The following YBEY variants were observed in gnomAD, a reference collection of about 807,000 sequenced individuals.
YBEY encodes the protein endoribonuclease YbeY.
Under a neutral mutation model 13.5 loss-of-function variants are expected in YBEY, and 15 were observed. The observed-to-expected ratio is 1.11, with a 90% CI of 0.75 to 1.72. YBEY has a LOEUF of 1.72. YBEY is among the 40% of genes most tolerant of loss of function. The pLI, the probability that YBEY is intolerant of heterozygous loss-of-function variation, is 0.00. For synonymous variants in YBEY, 101 were observed against 83.1 expected, an observed-to-expected ratio of 1.21 and a Z score of -1.17; for missense variants, 244 against 208.4, an observed-to-expected ratio of 1.17 and a Z score of -1.05.
Position 46,296,092 on chromosome 21 carries a change from C to T in YBEY, c.340-70C>T, listed in dbSNP as rs2145836462. The T allele has an allele frequency of 2.5e-6, 4 of 1,574,670 alleles. No individual in the cohort carries two copies. In the East Asian group the frequency reaches 9.0e-5, roughly 35 times the overall value. Reference sequence around the variant, plus strand: ...CACATACCAAGAGCAGCCTGTGGCCCTGGGGTGGCCCTGAAGGGGCAGGTT... The same window carrying T: ...CACATACCAAGAGCAGCCTGTGGCCTTGGGGTGGCCCTGAAGGGGCAGGTT... On this transcript the variant is annotated intron_variant, in intron 3 of 4. Transcript: ENST00000397701.
At chr21:46,304,199 T>A in the YBEY span, among the ~76,000 whole-genome samples, 2 of 150,498 alleles carry the variant, frequency 1.3e-5, no homozygotes, top group South Asian at 4.2e-4. Flanking sequence ...GCTAATTTTG[T>A]TTTTGTATTT....
downstream of YBEY, chr21:46,300,622 T>C: frequency 8.3e-7 from 1 of 1,207,980 alleles, no homozygotes; most frequent in Non-Finnish European, 1.1e-6. Flanking sequence ...GCTGGGCCCT[T>C]CGGTGTTCAC....
intron 2 of YBEY, among the ~76,000 whole-genome samples, chr21:46,288,525 A>G (rs1348087569): frequency 6.6e-6 from 1 of 152,084 alleles, no homozygotes; most frequent in Non-Finnish European, 1.5e-5. Flanking sequence ...AAAATACAAA[A>G]AAAGTTAGCT....
chr21:46,310,053 C>T, the YBEY span, among the ~76,000 whole-genome samples: 2 of 152,058 alleles, frequency 1.3e-5, no homozygotes, highest in East Asian at 1.9e-4. Context: ...TACATAGTGA[C>T]GGAAAGCTGC....
intron 4 of YBEY, among the ~76,000 whole-genome samples, chr21:46,296,589 C>CCGCCTA (rs1454209345): frequency 2.0e-5 from 3 of 152,194 alleles, no homozygotes; most frequent in Non-Finnish European, 2.9e-5. Flanking sequence ...CCCATGCGCT[C>CCGCCTA]CGCCTACGGA....
downstream of YBEY, among the ~76,000 whole-genome samples, chr21:46,297,961 G>A (rs533488783): frequency 4.8e-4 from 72 of 150,070 alleles, no homozygotes; most frequent in African/African-American, 1.5e-3. Flanking sequence ...GCGTCCTTCC[G>A]TAGAAAAGGC....
At chr21:46,302,975 C>A in the YBEY span, among the ~76,000 whole-genome samples, 2 of 151,250 alleles carry the variant, frequency 1.3e-5, no homozygotes, top group Non-Finnish European at 3.0e-5. Flanking sequence ...CGGTGCGGGT[C>A]CCCGGGGCGC....
Position 46,296,173 on chromosome 21 carries a change from C to T in YBEY, c.351C>T (p.Thr117=), listed in dbSNP as rs1384783557. Residue 117 remains threonine (T), a synonymous_variant, in exon 4 of 5, where the codon ACC becomes ACT. Transcript: ENST00000397701. ...AATTATTCTGACAGGTGACGGCCAC[C>T]CACGGACTCTGTCACTTGCTGGGAT... is the stretch of plus-strand genomic sequence containing the variant. ...DYNDVLTVTA[T]HGLCHLLGFT... is the part of the protein sequence containing the mutation. The T allele has an allele frequency of 1.9e-6, 3 of 1,613,784 alleles. No homozygotes were observed. The highest frequency in any genetic ancestry group is 3.3e-5 in the Admixed American group (2 of 60,020).
At chr21:46,295,361 C>T (rs566732955) in intron 3 of YBEY, among the ~76,000 whole-genome samples, 61 of 149,742 alleles carry the variant, frequency 4.1e-4, no homozygotes, top group Admixed American at 1.6e-3. Flanking sequence ...CCCAAGGATA[C>T]CCACCTCCCA....
At chr21:46,302,106 G>A (rs1420967692), downstream of YBEY, 1 of 1,528,836 alleles carries the variant, frequency 6.5e-7, no homozygotes, top group Admixed American at 2.0e-5. Context: ...ACGGCAGGCA[G>A]CCTTGGCCTG....
At chr21:46,291,579 G>A (rs1367464733) in intron 3 of YBEY, 117 bp downstream of exon 3, 2 of 1,515,710 alleles carry the variant, frequency 1.3e-6, no homozygotes, top group African/African-American at 2.8e-5. Flanking sequence ...GGCTACTGGG[G>A]GAAGAACCTG....
the YBEY span, among the ~76,000 whole-genome samples, chr21:46,303,953 G>A: frequency 2.8e-5 from 4 of 143,138 alleles, no homozygotes; most frequent in Admixed American, 7.2e-5. Flanking sequence ...GGGTTTCACC[G>A]TGTTAGCCAG....
chr21:46,297,486 G>A, intron 4 of YBEY, 53 bp from the exon 5 acceptor site: 1 of 1,328,140 alleles, frequency 7.5e-7, no homozygotes, highest in Non-Finnish European at 9.7e-7. Context: ...ACCCCAGAGA[G>A]TGGGGCGCGG....
chr21:46,298,196 T>C (rs900961198), downstream of YBEY, among the ~76,000 whole-genome samples: 1 of 152,142 alleles, frequency 6.6e-6, no homozygotes, highest in Admixed American at 6.5e-5. Flanking sequence ...GCTACTACAA[T>C]TCTGCTCATC....
At position 46,297,387 on chromosome 21, in the gene YBEY, G is replaced by A. The variant is rs891909850; in HGVS notation, c.409-152G>A. On this transcript the variant is annotated intron_variant, in intron 4 of 4. Transcript: ENST00000397701. Reference sequence around the variant, plus strand: ...AGCTCAGGTTCTGGTGAAGGTGCCCGGAGCCGGGTCCCGCCTTCGGCCTGA... The same window carrying A: ...AGCTCAGGTTCTGGTGAAGGTGCCCAGAGCCGGGTCCCGCCTTCGGCCTGA... The A allele has an allele frequency of 1.7e-5, 8 of 473,250 alleles. No individual in the cohort carries two copies. In the African/African-American group the frequency reaches 4.9e-4, roughly 29 times the overall value. The allele number at this position is 473,250 out of a possible 1,614,324, so 29.3% of individuals were successfully genotyped here. A position where few individuals can be genotyped will look rare whatever the true frequency, so the allele number is the denominator to read the frequency against.
At chr21:46,298,330 ACCACCGCGCCCTTC>A (rs1338670242), downstream of YBEY, among the ~76,000 whole-genome samples, 1 of 151,976 alleles carries the variant, frequency 6.6e-6, no homozygotes, top group Non-Finnish European at 1.5e-5. Context: ...AAGTCGCTGC[ACCACCGCGCCCTTC>A]GGTGAAGAGC....
chr21:46,288,521 C>T (rs2081559632), intron 2 of YBEY, among the ~76,000 whole-genome samples: 1 of 151,618 alleles, frequency 6.6e-6, no homozygotes, highest in Admixed American at 6.6e-5. Flanking sequence ...ACTAAAAATA[C>T]AAAAAAAGTT....
chr21:46,302,137 G>A (rs748575319), downstream of YBEY: 7 of 1,504,620 alleles, frequency 4.7e-6, no homozygotes, highest in Middle Eastern at 1.7e-4. Flanking sequence ...GGACCCTCGG[G>A]GGCACATGTG....
chr21:46,312,660 A>T, the YBEY span, among the ~76,000 whole-genome samples: 3 of 152,042 alleles, frequency 2.0e-5, no homozygotes, highest in Non-Finnish European at 4.4e-5. Context: ...ATGAGCCACC[A>T]TGCCCGGCCT....
Sources: allele counts gnomAD v4.1 joint callset (sites outside exome capture counted in the v4.1 genomes callset), GRCh38; gene constraint gnomAD v4.1.1; transcripts MANE v1.5; gene names NCBI Gene and HGNC (gene_info 2026-07-23, HGNC 2026-07-21).